DOT1L: variants seen among roughly 807,000 people sequenced by gnomAD.
DOT1L encodes histone-lysine N-methyltransferase, H3 lysine-79 specific.
Under a neutral mutation model 153.3 loss-of-function variants are expected in DOT1L, and 33 were observed. The ratio of observed to expected loss-of-function variants is 0.22; its 90% CI spans 0.16 to 0.29. The LOEUF (loss-of-function observed/expected upper bound fraction) is 0.29. Among genes scored for constraint, DOT1L ranks in the 10% least tolerant of loss-of-function variants. DOT1L has a pLI of 1.00. For synonymous variants in DOT1L, 1,135 were observed against 965.1 expected (o/e 1.18, Z -3.26); for missense variants, 1,847 against 2,119.9 (o/e 0.87, Z 2.53).
In DOT1L at chr19:2,199,884, T is replaced by C. The variant is rs747479756; in HGVS notation, c.652T>C (p.Leu218=). The change falls in exon 8 of 28, where the codon TTG becomes CTG. Residue 218 remains leucine (L), a splice_region_variant and synonymous_variant. Transcript: ENST00000398665. ...WYGKKHAEYT[L]ERGDFLSEEW... is the part of the protein sequence containing the mutation. Reference sequence around the variant, plus strand: ...CGCTCACACCTGTTTTCCCTTTCAGTTGGAGAGAGGCGATTTCCTCTCAGA... The same window carrying C: ...CGCTCACACCTGTTTTCCCTTTCAGCTGGAGAGAGGCGATTTCCTCTCAGA... The C allele has an allele frequency of 1.2e-6, 2 of 1,613,666 alleles. No individual in the cohort carries two copies. The highest frequency in any genetic ancestry group is 1.3e-5 in the African/African-American group (1 of 74,898).
At chr19:2,202,445 T>TC (rs1188657803) in intron 8 of DOT1L, among the ~76,000 whole-genome samples, 1 of 152,220 alleles carries the variant, frequency 6.6e-6, no homozygotes, top group Non-Finnish European at 1.5e-5. Context: ...ATCACTGGAC[T>TC]CCAAGATTCA....
intron 19 of DOT1L, 175 bp downstream of exon 19, chr19:2,214,771 G>C: frequency 1.1e-6 from 1 of 947,266 alleles, no homozygotes; most frequent in Non-Finnish European, 1.5e-6. Context: ...CTGCCCGTGT[G>C]GATGACTCTG....
intron 1 of DOT1L, among the ~76,000 whole-genome samples, chr19:2,165,645 C>T (rs1394819933): frequency 6.6e-6 from 1 of 152,268 alleles, no homozygotes; most frequent in Non-Finnish European, 1.5e-5. Context: ...CCACTTCTCT[C>T]TGTTGGGCTC....
intron 1 of DOT1L, among the ~76,000 whole-genome samples, chr19:2,165,460 G>T (rs1219755621): frequency 6.6e-6 from 1 of 152,220 alleles, no homozygotes; most frequent in Non-Finnish European, 1.5e-5. Flanking sequence ...TGGCGGGGTA[G>T]GGCCCTGGGG....
intron 25 of DOT1L, 99 bp from the exon 26 acceptor site, chr19:2,225,289 A>C (rs2024280220): frequency 8.2e-7 from 1 of 1,221,450 alleles, no homozygotes; most frequent in Non-Finnish European, 1.2e-6. Flanking sequence ...CTTCTCGTTC[A>C]CCACCTCCGG....
intron 7 of DOT1L, among the ~76,000 whole-genome samples, chr19:2,198,244 C>T (rs750183277): frequency 4.6e-5 from 7 of 152,266 alleles, no homozygotes; most frequent in African/African-American, 1.2e-4. Flanking sequence ...GGCTTGTTCA[C>T]GGGGAATGAG....
intron 1 of DOT1L, among the ~76,000 whole-genome samples, chr19:2,170,103 C>T (rs1297817723): frequency 6.6e-6 from 1 of 152,176 alleles, no homozygotes; most frequent in African/African-American, 2.4e-5. Context: ...CATTACACTC[C>T]AGACTGGTCG....
rs967357888 is a variant in DOT1L at position 2,230,556 on chromosome 19, T to C, written c.*764T>C. The stretch of plus-strand genomic sequence containing the variant: ...TACTTTTGTATTTCTCGGCTGTCCA[T>C]GGCTCGCAGCATGCCCTGCGATGCG... On this transcript the variant is annotated 3_prime_UTR_variant, in exon 28 of 28. Transcript: ENST00000398665. 3.5e-5 allele frequency: 14 copies of C among 398,622 alleles called. No homozygotes were observed. Among genetic ancestry groups the C allele is most frequent in the African/African-American group, 2.5e-4 (12 of 48,654 alleles). 24.7% of individuals were successfully genotyped at this position (398,622 alleles called of 1,614,324 possible).
chr19:2,185,785 CA>C lies in DOT1L; in HGVS notation c.126-65del, dbSNP rs199602305. The C allele has an allele frequency of 2.7e-4, 424 of 1,561,948 alleles. 4 individuals carry two copies. In the East Asian group the frequency reaches 8.1e-3, roughly 30 times the overall value. On this transcript the variant is annotated intron_variant, in intron 2 of 27. Transcript: ENST00000398665. ...CTCCGTCTCAAAACAAAAACAAAAA[CA>C]AAAACAAAACACAAAACAAAACAAA...
Position 2,232,285 on chromosome 19 carries a change from T to TA in DOT1L, c.*2495dup, listed in dbSNP as rs2024636299. On this transcript the variant is annotated 3_prime_UTR_variant, in exon 28 of 28. Transcript: ENST00000398665. ...AGTGACTTATTTAAGACTTCCCCCTTAATTTATCTGCCCCCAGGATGCGTC... is the reference window on the plus strand; with the variant it reads ...AGTGACTTATTTAAGACTTCCCCCTTAAATTTATCTGCCCCCAGGATGCGTC... 1 of 201,684 alleles carries TA rather than the reference T, an allele frequency of 5.0e-6. No individual in the cohort carries two copies. Among genetic ancestry groups the TA allele is most frequent in the Non-Finnish European group, 1.0e-5 (1 of 98,684 alleles). The allele number at this position is 201,684 out of a possible 1,614,324, so 12.5% of individuals were successfully genotyped here.
intron 3 of DOT1L, among the ~76,000 whole-genome samples, chr19:2,187,882 A>G (rs1398916236): frequency 1.4e-5 from 2 of 147,496 alleles, no homozygotes; most frequent in South Asian, 2.2e-4. Context: ...AGATCGCGCC[A>G]CCGCACTCCA....
chr19:2,206,435 G>A (rs2023497332), intron 9 of DOT1L, among the ~76,000 whole-genome samples: 1 of 148,820 alleles, frequency 6.7e-6, no homozygotes, highest in Non-Finnish European at 1.5e-5. Context: ...GTGTGCGCCT[G>A]TAATCACAGC....
rs367780942 is a variant in DOT1L at position 2,226,308 on chromosome 19, G to T, written c.3787G>T (p.Ala1263Ser). 8 of 1,598,556 alleles carry T rather than the reference G, an allele frequency of 5.0e-6. No individual in the cohort carries two copies. In the Admixed American group the frequency reaches 1.2e-4, roughly 24 times the overall value. The change falls in exon 27 of 28, where the codon GCC (alanine) becomes TCC (serine). Residue 1263 changes from alanine (A) to serine (S), a missense_variant. Transcript: ENST00000398665. ...LAKSADSPLQ[A>S]SSALSQNSLF... ...CAAGTCGGCGGACAGCCCGCTGCAG[G>T]CCAGCTCCGCCCTCAGCCAGAACTC...
chr19:2,216,633 G>A lies in DOT1L; in HGVS notation c.2276G>A (p.Arg759His), dbSNP rs1005372612. Residue 759 changes from arginine to histidine, a missense_variant, in exon 20 of 28, where the codon CGC (arginine) becomes CAC (histidine). Arg to His is a conservative substitution (Grantham distance 29). This residue lies in a region of DOT1L where 281 missense variants were observed against 263.6 expected (regional missense o/e 1.07). Transcript: ENST00000398665. The stretch of plus-strand genomic sequence containing the variant: ...ACCCCTAGCCACGTCGGCCGGCCGC[G>A]CCTGGAGAAGCTGTCTGGCCTAGCC... Reference protein sequence around the residue: ...PCTPSHVGRPRLEKLSGLAAP... With the variant: ...PCTPSHVGRPHLEKLSGLAAP... The A allele has an allele frequency of 1.1e-5, 17 of 1,605,672 alleles. No homozygotes were observed. Among genetic ancestry groups the A allele is most frequent in the East Asian group, 2.2e-5 (1 of 44,878 alleles).
Position 2,207,249 on chromosome 19 carries a change from G to T in DOT1L, c.857-325G>T, listed in dbSNP as rs960472827. Among the ~76,000 whole-genome samples the T allele has an allele frequency of 6.6e-6, 1 of 152,204 alleles. No homozygotes were observed. The highest frequency in any genetic ancestry group is 6.5e-5 in the Admixed American group (1 of 15,286). The stretch of plus-strand genomic sequence containing the variant: ...GGGCTTCCCTGAGGAGCGCCCACCC[G>T]GGAGGTGCCTGTGTTGCTGGATGCT... On this transcript the variant is annotated intron_variant, in intron 10 of 27. Coordinates refer to ENST00000398665, the MANE Select transcript of DOT1L (RefSeq NM_032482.3). This position sits in a 1 kb window ranked among gnomAD's most constrained non-coding sequence, Gnocchi z 4.5.
At position 2,193,877 on chromosome 19, in the gene DOT1L, C is replaced by T; in HGVS notation, c.588+94C>T. 7.5e-7 allele frequency: 1 copy of T among 1,329,984 alleles called. No homozygotes were observed. The highest frequency in any genetic ancestry group is 1.3e-5 in the South Asian group (1 of 77,202). 82.4% of individuals were successfully genotyped at this position (1,329,984 alleles called of 1,614,324 possible). On this transcript the variant is annotated intron_variant, in intron 6 of 27. Coordinates refer to ENST00000398665, the MANE Select transcript of DOT1L (RefSeq NM_032482.3). This position sits in a 1 kb window ranked among gnomAD's most constrained non-coding sequence, Gnocchi z 5.9. ...CCTGCACCCCACTGCTGTGGGACTT[C>T]CGAGTCTGGGTGGCGTTCTTTCCAG...
rs370670110 is a variant in DOT1L at position 2,229,863 on chromosome 19, G to A, written c.*71G>A. ...AACTCGCGCCCGCGGCATGGTGCCCGCCGGCCTGCCGGGCTCCCACCCCTG... is the reference window on the plus strand; with the variant it reads ...AACTCGCGCCCGCGGCATGGTGCCCACCGGCCTGCCGGGCTCCCACCCCTG... On this transcript the variant is annotated 3_prime_UTR_variant, in exon 28 of 28. Coordinates refer to ENST00000398665, the MANE Select transcript of DOT1L (RefSeq NM_032482.3). The A allele has an allele frequency of 7.5e-6, 12 of 1,610,704 alleles. No homozygotes were observed. In the Admixed American group the frequency reaches 8.3e-5, roughly 11 times the overall value.
At chr19:2,187,475 G>A (rs1298982537) in intron 3 of DOT1L, among the ~76,000 whole-genome samples, 1 of 152,206 alleles carries the variant, frequency 6.6e-6, no homozygotes, top group East Asian at 1.9e-4. Context: ...GCCACCTGAG[G>A]GACCGAGCCA....
At chr19:2,188,736 G>A (rs1458998832) in intron 3 of DOT1L, among the ~76,000 whole-genome samples, 1 of 152,234 alleles carries the variant, frequency 6.6e-6, no homozygotes, top group Non-Finnish European at 1.5e-5. Context: ...TGGAGGGACA[G>A]ACGCTGTTGT....
Sources: gnomAD v4.1 joint callset for allele counts (sites outside exome capture counted in the v4.1 genomes callset) on GRCh38, gnomAD v4.1.1 for gene constraint, gnomAD v4.1.1 regional missense constraint, Gnocchi (gnomAD v3.1) non-coding constraint, MANE v1.5 for transcripts, NCBI Gene and HGNC (gene_info 2026-07-23, HGNC 2026-07-21) for gene names.